Variants in WDR59 observed in about 807,000 individuals in gnomAD.
WDR59 encodes the protein WD repeat domain 59.
WDR59 carries 100 observed loss-of-function variants against 131.2 expected under a neutral mutation model. The observed-to-expected ratio is 0.76, with a 90% CI of 0.65 to 0.90. The LOEUF (loss-of-function observed/expected upper bound fraction) is 0.90. Ranked by LOEUF, WDR59 falls within the 40% of genes least tolerant of loss-of-function variation. WDR59 has a pLI of 0.00. For missense variants in WDR59, 1,203 were observed against 1,262.2 expected (o/e 0.95, Z 0.71); for synonymous variants, 601 against 466.2 (o/e 1.29, Z -3.72).
intron 7 of WDR59, among the ~76,000 whole-genome samples, chr16:74,939,529 A>G (rs1232590347): frequency 1.3e-5 from 2 of 152,100 alleles, no homozygotes; most frequent in Non-Finnish European, 2.9e-5. Flanking sequence ...CGTACACAGT[A>G]CGACAAACTA....
In WDR59 at chr16:74,871,429, AACCT is replaced by A. The variant is rs1718435154; in HGVS notation, c.*2776_*2779del. The A allele has an allele frequency of 6.6e-6, 1 of 152,230 alleles. No homozygotes were observed. Among genetic ancestry groups the A allele is most frequent in the Non-Finnish European group, 1.5e-5 (1 of 68,040 alleles). The allele number at this position is 152,230 out of a possible 1,614,324, so 9.4% of individuals were successfully genotyped here. A position where few individuals can be genotyped will look rare whatever the true frequency, so the allele number is the denominator to read the frequency against. On this transcript the variant is annotated 3_prime_UTR_variant, in exon 26 of 26. Coordinates refer to ENST00000262144, the MANE Select transcript of WDR59 (RefSeq NM_030581.4). The stretch of plus-strand genomic sequence containing the variant: ...GGCCATGGCCCGCAACCAGACAACC[AACCT>A]GTTTCCAAACATGAATATTTTAAAA...
In WDR59 at chr16:74,886,314, A is replaced by G. The variant is rs1964761816; in HGVS notation, c.2502T>C (p.Ser834=). ...GGTCGCGTTCTCGCTCACGGGGATCACTGTAGGTCAGACTCCCAAAGCGGA... is the reference window on the plus strand; with the variant it reads ...GGTCGCGTTCTCGCTCACGGGGATCGCTGTAGGTCAGACTCCCAAAGCGGA... ...EELRFGSLTY[S]DPRERERDQH... is the part of the protein sequence containing the mutation. The change falls in exon 24 of 26, where the codon AGT becomes AGC. Residue 834 remains serine, a synonymous_variant. Transcript: ENST00000262144. 2 of 1,613,926 alleles carry G rather than the reference A, an allele frequency of 1.2e-6. No homozygotes were observed. The highest frequency in any genetic ancestry group is 8.5e-7 in the Non-Finnish European group (1 of 1,179,978).
rs902099600 is a variant in WDR59 at position 74,947,909 on chromosome 16, A to G, written c.445+610T>C. On this transcript the variant is annotated intron_variant, in intron 6 of 25. Coordinates refer to ENST00000262144, the MANE Select transcript of WDR59 (RefSeq NM_030581.4). ...AATACAGTGAAACCTGTGTCTACTA[A>G]AAATACAAAAATCACCCAGGTGTGG... Among the ~76,000 whole-genome samples, 41 of 152,272 alleles carry G rather than the reference A, an allele frequency of 2.7e-4. No homozygotes were observed. In the Middle Eastern group the frequency reaches 0.01, roughly 38 times the overall value.
chr16:74,967,729 G>A (rs553228351), intron 1 of WDR59, among the ~76,000 whole-genome samples: 1 of 151,960 alleles, frequency 6.6e-6, no homozygotes, highest in East Asian at 1.9e-4. Context: ...CATGGTGGCA[G>A]GCACCTGTAA....
chr16:74,948,976 C>A (rs184372022), intron 5 of WDR59, among the ~76,000 whole-genome samples: 1 of 151,784 alleles, frequency 6.6e-6, no homozygotes, highest in African/African-American at 2.4e-5. Context: ...CCAGCCAGGA[C>A]GACAAGAGCA....
intron 8 of WDR59, among the ~76,000 whole-genome samples, chr16:74,929,534 C>T (rs767240845): frequency 6.6e-6 from 1 of 152,074 alleles, no homozygotes; most frequent in Non-Finnish European, 1.5e-5. Flanking sequence ...CAATAATGAA[C>T]GCTGGCAAGG....
At chr16:74,961,541 T>A (rs1471405827) in intron 2 of WDR59, among the ~76,000 whole-genome samples, 1 of 152,208 alleles carries the variant, frequency 6.6e-6, no homozygotes, top group Non-Finnish European at 1.5e-5. Context: ...ATTTCTCTAA[T>A]GATCAGTAAT....
chr16:74,984,418 C>T (rs1400258590), intron 1 of WDR59, among the ~76,000 whole-genome samples: 1 of 152,196 alleles, frequency 6.6e-6, no homozygotes, highest in Non-Finnish European at 1.5e-5. Flanking sequence ...CTGCGGGATT[C>T]GAACTCGGGC....
chr16:74,967,745 G>C (rs946675317), intron 1 of WDR59, among the ~76,000 whole-genome samples: 1 of 151,834 alleles, frequency 6.6e-6, no homozygotes, highest in African/African-American at 2.4e-5. Flanking sequence ...TGTAATCCCA[G>C]CTACTCAGGA....
At chr16:74,885,391 T>C (rs1317887582) in intron 25 of WDR59, among the ~76,000 whole-genome samples, 1 of 127,220 alleles carries the variant, frequency 7.9e-6, no homozygotes, top group African/African-American at 3.0e-5. Context: ...AGAGGTTCAG[T>C]GAGCTGAGAT....
chr16:74,959,132 GCTATT>G (rs918049192), intron 2 of WDR59, among the ~76,000 whole-genome samples: 1 of 152,186 alleles, frequency 6.6e-6, no homozygotes, highest in Admixed American at 6.5e-5. Flanking sequence ...GAGAGTGGGT[GCTATT>G]CTCCCCTAGA....
At chr16:74,980,080 C>G (rs952041817) in intron 1 of WDR59, among the ~76,000 whole-genome samples, 1 of 151,646 alleles carries the variant, frequency 6.6e-6, no homozygotes, top group African/African-American at 2.4e-5. Flanking sequence ...AGGCTGGTCT[C>G]GACTCCTGAC....
chr16:74,916,096 C>T (rs747787796), intron 12 of WDR59, 31 bp downstream of exon 12: 25 of 1,614,038 alleles, frequency 1.5e-5, no homozygotes, highest in Non-Finnish European at 2.1e-5. Flanking sequence ...TAGAGTGGCA[C>T]CTTACCTGAG....
At chr16:74,903,439 A>AT (rs1846524623) in intron 18 of WDR59, among the ~76,000 whole-genome samples, 1 of 151,962 alleles carries the variant, frequency 6.6e-6, no homozygotes, top group Non-Finnish European at 1.5e-5. Flanking sequence ...AGCTCAGGTG[A>AT]TTTTTGTATC....
At chr16:74,926,097 T>A (rs1427791627) in intron 8 of WDR59, among the ~76,000 whole-genome samples, 1 of 151,058 alleles carries the variant, frequency 6.6e-6, no homozygotes, top group Non-Finnish European at 1.5e-5. Context: ...TTTGCTCTTG[T>A]TGCCCAGGCT....
intron 1 of WDR59, among the ~76,000 whole-genome samples, chr16:74,966,849 G>A (rs573300126): frequency 1.3e-5 from 2 of 152,302 alleles, no homozygotes; most frequent in East Asian, 3.9e-4. Context: ...AGGAGCCAAC[G>A]TCTAACTCCC....
chr16:74,904,135 G>A lies in WDR59; in HGVS notation c.1713-35C>T, dbSNP rs751455906. ...AAAATGATAATTATCCACACTGGCT[G>A]CAGTCCTGTCATATTTCCAAGTGGT... On this transcript the variant is annotated intron_variant, in intron 17 of 25. Coordinates refer to ENST00000262144, the MANE Select transcript of WDR59 (RefSeq NM_030581.4). 19 of 1,594,246 alleles carry A rather than the reference G, an allele frequency of 1.2e-5. 1 individual carries two copies. In the Middle Eastern group the frequency reaches 8.6e-4, roughly 72 times the overall value.
intron 16 of WDR59, among the ~76,000 whole-genome samples, 181 bp downstream of exon 16, chr16:74,909,320 T>C (rs368523531): frequency 1.6e-4 from 24 of 152,080 alleles, no homozygotes; most frequent in East Asian, 3.9e-4. Context: ...TGGTGCACCC[T>C]CTTAGGATAA....
Position 74,892,576 on chromosome 16 carries a change from T to C in WDR59, c.2001-11A>G, listed in dbSNP as rs748498230. 6 of 1,606,148 alleles carry C rather than the reference T, an allele frequency of 3.7e-6. No homozygotes were observed. In the South Asian group the frequency reaches 6.6e-5, roughly 18 times the overall value. ...TCATTCACATTCAATCTGAAATTTTTTAAAAAGAATTAAACATTTCTTTCT... is the reference window on the plus strand; with the variant it reads ...TCATTCACATTCAATCTGAAATTTTCTAAAAAGAATTAAACATTTCTTTCT... On this transcript the variant is annotated splice_polypyrimidine_tract_variant and intron_variant, in intron 19 of 25. Coordinates refer to ENST00000262144, the MANE Select transcript of WDR59 (RefSeq NM_030581.4).
Sources: allele counts gnomAD v4.1 joint callset (sites outside exome capture counted in the v4.1 genomes callset), GRCh38; gene constraint gnomAD v4.1.1; transcripts MANE v1.5; gene names NCBI Gene and HGNC (gene_info 2026-07-23, HGNC 2026-07-21).